CNOT6L: variants seen among roughly 807,000 people sequenced by gnomAD.
CNOT6L encodes CCR4-NOT transcription complex subunit 6-like.
CNOT6L carries 7 observed loss-of-function variants against 64.0 expected under a neutral mutation model. The observed-to-expected ratio is 0.11, with a 90% CI of 0.06 to 0.21. The LOEUF (loss-of-function observed/expected upper bound fraction) is 0.21, where lower values mean the gene tolerates loss of function less well. Ranked by LOEUF, CNOT6L falls within the 10% of genes least tolerant of loss-of-function variation. The probability of loss-of-function intolerance (pLI) is 1.00; values close to 1 mark genes in which losing one functional copy is unlikely to be tolerated. For missense variants in CNOT6L, 245 were observed against 669.0 expected (o/e 0.37, Z 6.99); for synonymous variants, 193 against 243.4 (o/e 0.79, Z 1.93).
chr4:77,818,241 C>T (rs956372533), intron 1 of CNOT6L, among the ~76,000 whole-genome samples: 5 of 152,184 alleles, frequency 3.3e-5, no homozygotes, highest in Admixed American at 3.3e-4. Context: ...AGTCTAAGCT[C>T]AATAGCCGAC....
At chr4:77,800,501 A>G (rs1031989550) in intron 1 of CNOT6L, among the ~76,000 whole-genome samples, 1 of 151,930 alleles carries the variant, frequency 6.6e-6, no homozygotes, top group Non-Finnish European at 1.5e-5. Flanking sequence ...ACAAAGCAAG[A>G]CCCTGTCTCT....
At chr4:77,757,875 T>C (rs564173483) in intron 4 of CNOT6L, among the ~76,000 whole-genome samples, 1 of 152,298 alleles carries the variant, frequency 6.6e-6, no homozygotes, top group Non-Finnish European at 1.5e-5. Context: ...AATTTTTGTA[T>C]TTTTAGTAGA....
At chr4:77,812,268 T>C (rs1733033517) in intron 1 of CNOT6L, among the ~76,000 whole-genome samples, 2 of 151,494 alleles carry the variant, frequency 1.3e-5, no homozygotes, top group Admixed American at 6.6e-5. Flanking sequence ...TGAAACCCCA[T>C]CTCTACTAAA....
chr4:77,757,333 T>C (rs919574219), intron 4 of CNOT6L, among the ~76,000 whole-genome samples: 2 of 152,274 alleles, frequency 1.3e-5, no homozygotes, highest in African/African-American at 4.8e-5. Context: ...GAATGAGTGA[T>C]ATCTTAAAAA....
intron 4 of CNOT6L, among the ~76,000 whole-genome samples, chr4:77,764,188 A>G (rs982659135): frequency 6.6e-6 from 1 of 152,210 alleles, no homozygotes; most frequent in African/African-American, 2.4e-5. Context: ...AAGGCATAAT[A>G]ATCTCCACAT....
intron 1 of CNOT6L, among the ~76,000 whole-genome samples, chr4:77,802,148 G>A (rs1002975374): frequency 1.3e-5 from 2 of 152,142 alleles, no homozygotes; most frequent in African/African-American, 2.4e-5. Flanking sequence ...GTTGATGATT[G>A]TGAGGTGTGT....
intron 4 of CNOT6L, among the ~76,000 whole-genome samples, chr4:77,769,663 G>A (rs1411372720): frequency 4.6e-5 from 7 of 151,834 alleles, no homozygotes; most frequent in African/African-American, 1.7e-4. Flanking sequence ...TAAAATATTG[G>A]CTAATAGGAG....
chr4:77,776,250 A>C, intron 2 of CNOT6L, 21 bp downstream of exon 2: 1 of 1,605,710 alleles, frequency 6.2e-7, no homozygotes, highest in East Asian at 2.2e-5. Flanking sequence ...TTCCAGATTA[A>C]ATGCTTCAGA....
intron 4 of CNOT6L, among the ~76,000 whole-genome samples, chr4:77,772,698 G>A (rs1425513320): frequency 4.6e-5 from 7 of 152,028 alleles, no homozygotes; most frequent in South Asian, 2.1e-4. Context: ...CGAGGCCGGC[G>A]GATCACGAGG....
intron 11 of CNOT6L, among the ~76,000 whole-genome samples, chr4:77,724,998 A>C (rs997607049): frequency 3.9e-5 from 6 of 152,198 alleles, no homozygotes; most frequent in Non-Finnish European, 7.3e-5. Flanking sequence ...AGAAATCGGC[A>C]AACACCACAA....
At position 77,719,836 on chromosome 4, in the gene CNOT6L, A is replaced by T. The variant is rs1721100299; in HGVS notation, c.*595T>A. On this transcript the variant is annotated 3_prime_UTR_variant, in exon 12 of 12. Coordinates refer to ENST00000504123, the MANE Select transcript of CNOT6L (RefSeq NM_144571.3). ...ATGTGGTGTTACATGCTGGATTATAAAAGTATACTGTGCAACCATCTTTAA... is the reference window on the plus strand; with the variant it reads ...ATGTGGTGTTACATGCTGGATTATATAAGTATACTGTGCAACCATCTTTAA... 6.5e-6 allele frequency: 1 copy of T among 152,674 alleles called. No individual in the cohort carries two copies. The highest frequency in any genetic ancestry group is 2.1e-4 in the South Asian group (1 of 4,832). The allele number at this position is 152,674 out of a possible 1,614,324, so 9.5% of individuals were successfully genotyped here.
intron 1 of CNOT6L, among the ~76,000 whole-genome samples, chr4:77,799,502 C>A (rs1318670201): frequency 6.6e-6 from 1 of 151,830 alleles, no homozygotes; most frequent in Non-Finnish European, 1.5e-5. Flanking sequence ...GTCAAGAGTT[C>A]GAGACTAGCC....
chr4:77,724,038 T>C (rs557415891), intron 11 of CNOT6L, among the ~76,000 whole-genome samples: 1 of 151,656 alleles, frequency 6.6e-6, no homozygotes, highest in Non-Finnish European at 1.5e-5. Flanking sequence ...GGTGGACGGA[T>C]TGCTTGAGCC....
intron 1 of CNOT6L, chr4:77,818,999 C>A (rs1244444453): frequency 4.5e-6 from 3 of 672,462 alleles, no homozygotes; most frequent in African/African-American, 1.8e-5. Context: ...GCCGCAGCCA[C>A]AAAGCGGGAG....
intron 1 of CNOT6L, among the ~76,000 whole-genome samples, chr4:77,783,595 C>G (rs1204676274): frequency 6.6e-6 from 1 of 152,064 alleles, no homozygotes; most frequent in Non-Finnish European, 1.5e-5. Context: ...TAACCGATAA[C>G]CTCTGGCATG....
At chr4:77,745,620 C>G (rs1002200490) in intron 6 of CNOT6L, among the ~76,000 whole-genome samples, 1 of 152,172 alleles carries the variant, frequency 6.6e-6, no homozygotes. Context: ...ATGTTAAAGT[C>G]TGAAAAGCCC....
intron 1 of CNOT6L, among the ~76,000 whole-genome samples, chr4:77,809,879 C>A (rs1490330940): frequency 6.6e-6 from 1 of 152,064 alleles, no homozygotes; most frequent in Non-Finnish European, 1.5e-5. Flanking sequence ...GTGTTTTAAT[C>A]TCTATTTTGT....
chr4:77,797,548 TTA>T (rs1220986252), intron 1 of CNOT6L, among the ~76,000 whole-genome samples: 2 of 152,170 alleles, frequency 1.3e-5, no homozygotes, highest in Non-Finnish European at 2.9e-5. Flanking sequence ...TAAGAAACCC[TTA>T]TTTTACTTAA....
intron 5 of CNOT6L, among the ~76,000 whole-genome samples, chr4:77,749,245 TCA>T (rs1276779186): frequency 2.0e-5 from 3 of 152,206 alleles, no homozygotes; most frequent in Non-Finnish European, 4.4e-5. Context: ...GCCATACTTT[TCA>T]CAGAGTAGAA....
Sources: gnomAD v4.1 joint callset for allele counts (sites outside exome capture counted in the v4.1 genomes callset) on GRCh38, gnomAD v4.1.1 for gene constraint, MANE v1.5 for transcripts, NCBI Gene and HGNC (gene_info 2026-07-23, HGNC 2026-07-21) for gene names.